APOOL: variants seen among roughly 807,000 people sequenced by gnomAD.
APOOL encodes apolipoprotein O like, also known as MICOS complex subunit MIC27.
APOOL carries 12 observed loss-of-function variants against 23.1 expected under a neutral mutation model. The ratio of observed to expected loss-of-function variants is 0.52; its 90% CI spans 0.33 to 0.84. APOOL has a LOEUF of 0.84. Ranked by LOEUF, APOOL falls within the 40% of genes least tolerant of loss-of-function variation. The pLI is 0.02. For synonymous variants in APOOL, 77 were observed against 69.9 expected (o/e 1.10, Z -0.51); for missense variants, 212 against 199.6 (o/e 1.06, Z -0.37).
intron 5 of APOOL, among the ~76,000 whole-genome samples, chrX:85,066,350 A>G (rs1410792586): frequency 9.0e-6 from 1 of 111,234 alleles, no homozygotes; most frequent in Non-Finnish European, 1.9e-5. Context: ...AGTTTCATGG[A>G]AGTGTTTAGT....
intron 1 of APOOL, among the ~76,000 whole-genome samples, chrX:85,021,709 A>T (rs753487221): frequency 1.8e-5 from 2 of 111,979 alleles, no homozygotes; most frequent in African/African-American, 6.5e-5. Context: ...AAACAAACAA[A>T]CAAAAACTAA....
At chrX:85,024,222 T>G (rs1207846474) in intron 1 of APOOL, among the ~76,000 whole-genome samples, 1 of 112,006 alleles carries the variant, frequency 8.9e-6, no homozygotes, top group Non-Finnish European at 1.9e-5. Flanking sequence ...GGAGAGTGCT[T>G]TCACAGTTCA....
chrX:85,013,635 G>T (rs1284413786), intron 1 of APOOL, among the ~76,000 whole-genome samples: 4 of 111,616 alleles, frequency 3.6e-5, no homozygotes, highest in African/African-American at 1.3e-4. Flanking sequence ...AGTTTTGAGG[G>T]TTCCCTTTGG....
intron 6 of APOOL, among the ~76,000 whole-genome samples, chrX:85,069,435 C>A (rs751765630): frequency 1.8e-3 from 195 of 108,607 alleles, no homozygotes; most frequent in Non-Finnish European, 2.9e-3. Context: ...TGTGTTGAAA[C>A]CCCGTCTCTA....
chrX:85,025,301 T>C (rs1195429626), intron 1 of APOOL, among the ~76,000 whole-genome samples: 1 of 111,637 alleles, frequency 9.0e-6, no homozygotes, highest in Non-Finnish European at 1.9e-5. Flanking sequence ...TCCCACTAGG[T>C]CTCGCATTCA....
At chrX:85,015,002 G>A (rs1031580404) in intron 1 of APOOL, among the ~76,000 whole-genome samples, 2 of 110,416 alleles carry the variant, frequency 1.8e-5, no homozygotes, top group Non-Finnish European at 3.8e-5. Context: ...TTTATTGGAA[G>A]CTTTGTTCAT....
At chrX:85,077,102 T>C (rs747349224) in intron 8 of APOOL, among the ~76,000 whole-genome samples, 157 of 100,474 alleles carry the variant, frequency 1.6e-3, no homozygotes, top group African/African-American at 4.6e-3. Context: ...TACACACACA[T>C]ATATATATAT....
At chrX:85,050,060 A>G (rs1029988459) in intron 2 of APOOL, among the ~76,000 whole-genome samples, 1 of 111,226 alleles carries the variant, frequency 9.0e-6, no homozygotes, top group Admixed American at 9.6e-5. Context: ...TTAATAAGAT[A>G]TGCATCTCTC....
chrX:85,076,365 G>C (rs1923836118), intron 8 of APOOL, among the ~76,000 whole-genome samples: 1 of 108,815 alleles, frequency 9.2e-6, no homozygotes, highest in South Asian at 4.0e-4. Flanking sequence ...GTGATTGTGA[G>C]CACAGGTTAT....
At chrX:85,080,693 T>A in intron 8 of APOOL, among the ~76,000 whole-genome samples, 1 of 111,377 alleles carries the variant, frequency 9.0e-6, no homozygotes, top group East Asian at 2.8e-4. Flanking sequence ...CAGTGGGGTG[T>A]TAAAGTCTCC....
rs773374723 is a variant in APOOL at position 85,006,057 on chromosome X, A to G, written c.15+2130A>G. On this transcript the variant is annotated intron_variant, in intron 1 of 8. Coordinates refer to ENST00000373173, the MANE Select transcript of APOOL (RefSeq NM_198450.6). ...ATGTGTTAATTCACTAATTCTCAAG[A>G]CAACTTTATGTGGTGGGTATTATTA... is the stretch of plus-strand genomic sequence containing the variant. Among the ~76,000 whole-genome samples the G allele has an allele frequency of 1.2e-3, 135 of 112,254 alleles. 3 individuals are homozygous for G. Among genetic ancestry groups the G allele is most frequent in the Non-Finnish European group, 3.6e-4 (19 of 53,279 alleles).
chrX:85,060,801 A>T (rs1354024909), intron 5 of APOOL, among the ~76,000 whole-genome samples: 2 of 111,502 alleles, frequency 1.8e-5, no homozygotes, highest in East Asian at 5.6e-4. Context: ...GGGGTTTTCT[A>T]GATATACAAT....
At chrX:85,072,861 T>G (rs967883565) in intron 6 of APOOL, among the ~76,000 whole-genome samples, 1 of 112,215 alleles carries the variant, frequency 8.9e-6, no homozygotes, top group African/African-American at 3.2e-5. Context: ...TATTTTAAAA[T>G]TTAATTGAAA....
chrX:85,051,730 G>T (rs976835765), intron 3 of APOOL, among the ~76,000 whole-genome samples: 2 of 111,898 alleles, frequency 1.8e-5, no homozygotes, highest in Non-Finnish European at 3.8e-5. Context: ...GGTTCATCTG[G>T]CAAATGAGCT....
chrX:85,028,519 T>A (rs1921919647), intron 1 of APOOL, among the ~76,000 whole-genome samples: 4 of 111,733 alleles, frequency 3.6e-5, no homozygotes, highest in African/African-American at 1.3e-4. Context: ...CTCAAGCATT[T>A]ATCCTCTGAG....
chrX:85,087,522 G>A (rs1602810073), intron 8 of APOOL, 68 bp from the exon 9 acceptor site: 2 of 970,347 alleles, frequency 2.1e-6, no homozygotes. Context: ...GTTCGCTGCT[G>A]TCTTCCCAGT....
intron 6 of APOOL, among the ~76,000 whole-genome samples, chrX:85,070,909 A>G (rs188270106): frequency 8.2e-4 from 92 of 111,857 alleles, no homozygotes; most frequent in African/African-American, 2.9e-3. Flanking sequence ...AAGATTAGAA[A>G]CAACCTAAGT....
At chrX:85,025,655 C>A (rs756758887) in intron 1 of APOOL, among the ~76,000 whole-genome samples, 1 of 111,962 alleles carries the variant, frequency 8.9e-6, no homozygotes, top group Non-Finnish European at 1.9e-5. Context: ...ACATTCAACA[C>A]CCAGCAGGGC....
intron 2 of APOOL, among the ~76,000 whole-genome samples, chrX:85,047,039 G>A (rs945684354): frequency 9.0e-6 from 1 of 111,029 alleles, no homozygotes. Context: ...AGCCCATTCC[G>A]TTTTCTAAAT....
Sources: allele counts gnomAD v4.1 joint callset (sites outside exome capture counted in the v4.1 genomes callset), GRCh38; gene constraint gnomAD v4.1.1; transcripts MANE v1.5; gene names NCBI Gene and HGNC (gene_info 2026-07-23, HGNC 2026-07-21).